Variants in PRRG1 observed in about 807,000 individuals in gnomAD.
The protein encoded by PRRG1 is proline rich and Gla domain 1, also known as transmembrane gamma-carboxyglutamic acid protein 1.
In PRRG1, 5 loss-of-function variants were observed where a neutral mutation model predicts 11.8. The observed-to-expected ratio is 0.42, with a 90% CI of 0.22 to 0.89. The LOEUF is 0.89. Among genes scored for constraint, PRRG1 ranks in the 40% least tolerant of loss-of-function variants. The pLI is 0.28. For synonymous variants in PRRG1, 66 were observed against 60.4 expected, an observed-to-expected ratio of 1.09 and a Z score of -0.43; for missense variants, 155 against 166.1, an observed-to-expected ratio of 0.93 and a Z score of 0.37.
At chrX:37,406,375 G>C (rs1556382013) in intron 2 of PRRG1, 116 bp downstream of exon 2, 2 of 773,247 alleles carry the variant, frequency 2.6e-6, no homozygotes, top group African/African-American at 4.2e-5. Flanking sequence ...TTTCTTGTTA[G>C]TGTTAGAAAG....
intron 3 of PRRG1, among the ~76,000 whole-genome samples, chrX:37,427,511 T>G (rs1445586088): frequency 8.9e-6 from 1 of 112,162 alleles, no homozygotes; most frequent in Non-Finnish European, 1.9e-5. Flanking sequence ...AATTTAAGTA[T>G]ATAATATAAC....
intron 1 of PRRG1, among the ~76,000 whole-genome samples, chrX:37,402,277 C>G (rs1261091169): frequency 2.7e-5 from 3 of 111,416 alleles, no homozygotes; most frequent in Non-Finnish European, 5.6e-5. Flanking sequence ...GGTACTGGTA[C>G]CAAAACAGAC....
intron 3 of PRRG1, chrX:37,442,336 C>G: frequency 2.0e-6 from 1 of 504,903 alleles, no homozygotes; most frequent in Non-Finnish European, 2.4e-6. Flanking sequence ...CCAGTCCTGT[C>G]CCATCTGCAT....
rs1381228248 is a variant in PRRG1, at chrX:37,351,045, C to A, written c.-42+1650C>A. On this transcript the variant is annotated intron_variant, in intron 1 of 3. Transcript: ENST00000378628. ...TCTTCTCCAGAGTGAATTAATCACA[C>A]CCTTTTCTGTTAAATTTATATAACT... is the stretch of plus-strand genomic sequence containing the variant. 2.7e-5 allele frequency among the ~76,000 whole-genome samples: 3 copies of A among 111,256 alleles called. No homozygotes were observed. The Admixed American group carries it at 2.9e-4, about 11-fold the overall frequency.
intron 1 of PRRG1, among the ~76,000 whole-genome samples, chrX:37,403,396 G>A (rs782344879): frequency 3.0e-5 from 3 of 99,686 alleles, no homozygotes; most frequent in African/African-American, 3.7e-5. Flanking sequence ...ACCAAACACC[G>A]CCTGTTCTCA....
chrX:37,426,780 T>C (rs1437396516), intron 3 of PRRG1, among the ~76,000 whole-genome samples: 1 of 112,299 alleles, frequency 8.9e-6, no homozygotes, highest in Non-Finnish European at 1.9e-5. Flanking sequence ...CAAAGCACGG[T>C]TGACCTTTTA....
At chrX:37,385,270 A>G (rs1159525973) in intron 1 of PRRG1, among the ~76,000 whole-genome samples, 2 of 111,116 alleles carry the variant, frequency 1.8e-5, no homozygotes, top group Non-Finnish European at 3.8e-5. Context: ...ATGAAATTCA[A>G]AAACACACAA....
chrX:37,418,097 A>G, intron 2 of PRRG1, among the ~76,000 whole-genome samples: 1 of 112,539 alleles, frequency 8.9e-6, no homozygotes, highest in South Asian at 3.6e-4. Flanking sequence ...ACGTTCAGAT[A>G]AATTAAGCAA....
chrX:37,409,817 T>A (rs782517108), intron 2 of PRRG1, among the ~76,000 whole-genome samples: 2 of 112,120 alleles, frequency 1.8e-5, no homozygotes, highest in African/African-American at 6.5e-5. Context: ...TGCAAAGATA[T>A]GACACTAGCC....
At chrX:37,372,408 A>G (rs1244272280) in intron 1 of PRRG1, among the ~76,000 whole-genome samples, 3 of 112,053 alleles carry the variant, frequency 2.7e-5, no homozygotes, top group Non-Finnish European at 5.6e-5. Context: ...GGTTCAAGTG[A>G]TTCTCCTACT....
chrX:37,445,820 G>C (rs1646924289), intron 3 of PRRG1, among the ~76,000 whole-genome samples: 1 of 112,619 alleles, frequency 8.9e-6, no homozygotes, highest in African/African-American at 3.2e-5. Flanking sequence ...ATCTGTTCTT[G>C]TAAATAAAGT....
intron 1 of PRRG1, among the ~76,000 whole-genome samples, chrX:37,375,239 C>T (rs149139587): frequency 2.6e-3 from 291 of 111,406 alleles, no homozygotes; most frequent in African/African-American, 8.9e-3. Context: ...CTGTGACCTT[C>T]GCAAGTGCTT....
In PRRG1 at chrX:37,453,605, TCAC is replaced by T. The variant is rs781794861; in HGVS notation, c.647_649del (p.Thr216del). On this transcript the variant is annotated inframe_deletion, in exon 4 of 4. Transcript: ENST00000378628. ...AGTGCCATTCCTATGGTGCCTGTGGTCACCACCATCAAATGAAGCTGCAAACTT... is the reference window on the plus strand; with the variant it reads ...AGTGCCATTCCTATGGTGCCTGTGGTCACCATCAAATGAAGCTGCAAACTT... The T allele has an allele frequency of 1.7e-6, 2 of 1,164,065 alleles. No homozygotes were observed. Among genetic ancestry groups the T allele is most frequent in the African/African-American group, 3.6e-5 (2 of 54,999 alleles).
chrX:37,366,011 T>C (rs1930560951), intron 1 of PRRG1, among the ~76,000 whole-genome samples: 1 of 112,493 alleles, frequency 8.9e-6, no homozygotes, highest in Non-Finnish European at 1.9e-5. Context: ...CACTTTCTTT[T>C]AACTAATTCA....
At chrX:37,361,339 C>CAA (rs1420994688) in intron 1 of PRRG1, among the ~76,000 whole-genome samples, 3 of 66,666 alleles carry the variant, frequency 4.5e-5, no homozygotes, top group Non-Finnish European at 6.0e-5. Flanking sequence ...GAGACTCAGT[C>CAA]AAAAAAAAAA....
Position 37,425,959 on chromosome X carries a change from T to A in PRRG1, c.130T>A (p.Phe44Ile), listed in dbSNP as rs1268057168. The change falls in exon 3 of 4, where the codon TTT becomes ATT. Residue 44 changes from phenylalanine to isoleucine, a missense_variant. Transcript: ENST00000378628. ...TGAGTGCAAAGAAGAATTCTGTACA[T>A]TTGAAGAAGCAAGAGAAGCTTTTGA... ...ERECKEEFCT[F>I]EEAREAFENN... 2.5e-6 allele frequency: 3 copies of A among 1,191,772 alleles called. No homozygotes were observed. Among genetic ancestry groups the A allele is most frequent in the Non-Finnish European group, 3.4e-6 (3 of 888,227 alleles).
chrX:37,434,002 G>A (rs1556391264), intron 3 of PRRG1, among the ~76,000 whole-genome samples: 1 of 112,041 alleles, frequency 8.9e-6, no homozygotes, highest in Non-Finnish European at 1.9e-5. Context: ...CTGTTAATCA[G>A]GATCTAGCAT....
chrX:37,394,217 A>G (rs1931640757), intron 1 of PRRG1, among the ~76,000 whole-genome samples: 1 of 112,147 alleles, frequency 8.9e-6, no homozygotes, highest in Non-Finnish European at 1.9e-5. Context: ...AGGATGTAGA[A>G]GCAGAAAGAT....
intron 1 of PRRG1, among the ~76,000 whole-genome samples, chrX:37,391,504 G>A (rs1473433769): frequency 7.2e-5 from 8 of 111,657 alleles, no homozygotes; most frequent in African/African-American, 2.6e-4. Context: ...GAATTTCGAG[G>A]AGAAACGAGT....
Sources: allele counts gnomAD v4.1 joint callset (sites outside exome capture counted in the v4.1 genomes callset), GRCh38; gene constraint gnomAD v4.1.1; transcripts MANE v1.5; gene names NCBI Gene and HGNC (gene_info 2026-07-23, HGNC 2026-07-21).